Variants in INTS8 observed in about 807,000 individuals in gnomAD.
INTS8 encodes protein kaonashi-1.
Under a neutral mutation model 138.9 loss-of-function variants are expected in INTS8, and 47 were observed. The ratio of observed to expected loss-of-function variants is 0.34; its 90% confidence interval spans 0.27 to 0.43. INTS8 has a LOEUF of 0.43. INTS8 is among the 20% of genes least tolerant of loss of function. The pLI is 1.00. For missense variants in INTS8, 996 were observed against 1,173.0 expected (o/e 0.85, Z 2.20); for synonymous variants, 392 against 400.9 (o/e 0.98, Z 0.27).
Position 94,880,273 on chromosome 8 carries a change from G to A in INTS8, c.*39G>A. 2.8e-6 allele frequency: 3 copies of A among 1,078,874 alleles called. No homozygotes were observed. Among genetic ancestry groups the A allele is most frequent in the Non-Finnish European group, 4.2e-6 (3 of 719,378 alleles). The allele number at this position is 1,078,874 out of a possible 1,614,324, so 66.8% of individuals were successfully genotyped here. A position where few individuals can be genotyped will look rare whatever the true frequency, so the allele number is the denominator to read the frequency against. Reference sequence around the variant, plus strand: ...TTTAACTTTTATTTTTTAAACAATGGGCTAAAAATAAACAGTATTAAAAGG... The same window carrying A: ...TTTAACTTTTATTTTTTAAACAATGAGCTAAAAATAAACAGTATTAAAAGG... On this transcript the variant is annotated 3_prime_UTR_variant, in exon 27 of 27. Coordinates refer to ENST00000523731, the MANE Select transcript of INTS8 (RefSeq NM_017864.4).
intron 3 of INTS8, 35 bp from the exon 4 acceptor site, chr8:94,827,687 T>A: frequency 6.6e-7 from 1 of 1,511,416 alleles, no homozygotes; most frequent in African/African-American, 1.4e-5. Flanking sequence ...ACATTTATAA[T>A]GTATGAAATT....
chr8:94,862,817 A>G (rs939675020), intron 16 of INTS8, among the ~76,000 whole-genome samples: 3 of 152,126 alleles, frequency 2.0e-5, no homozygotes, highest in African/African-American at 7.2e-5. Flanking sequence ...TACAATCTGA[A>G]TCAGTTTCCA....
chr8:94,845,410 A>G (rs940099680), intron 10 of INTS8, among the ~76,000 whole-genome samples: 1 of 151,874 alleles, frequency 6.6e-6, no homozygotes, highest in African/African-American at 2.4e-5. Context: ...TTGTCTATCC[A>G]TACCTTATTA....
chr8:94,824,776 AC>A, intron 1 of INTS8, 116 bp from the exon 2 acceptor site: 1 of 193,174 alleles, frequency 5.2e-6, no homozygotes, highest in Non-Finnish European at 9.8e-6. Context: ...CAAAAAAAAA[AC>A]CCAAACTCCC....
intron 26 of INTS8, chr8:94,879,861 A>C (rs1468092100): frequency 2.1e-5 from 5 of 236,610 alleles, no homozygotes; most frequent in Admixed American, 5.6e-5. Flanking sequence ...ATAAATTTAC[A>C]TGAATTTACT....
intron 13 of INTS8, 106 bp from the exon 14 acceptor site, chr8:94,853,699 C>A (rs1466287658): frequency 8.0e-6 from 5 of 627,990 alleles, no homozygotes; most frequent in Non-Finnish European, 1.4e-5. Context: ...AGAGACGACC[C>A]GTGAGTTATT....
chr8:94,825,914 T>C (rs913672679), intron 2 of INTS8, among the ~76,000 whole-genome samples: 3 of 152,178 alleles, frequency 2.0e-5, no homozygotes, highest in African/African-American at 4.8e-5. Flanking sequence ...TATACTGTTT[T>C]TATTCCTGGT....
chr8:94,843,655 G>C (rs993614130), intron 10 of INTS8, among the ~76,000 whole-genome samples: 1 of 151,978 alleles, frequency 6.6e-6, no homozygotes, highest in Non-Finnish European at 1.5e-5. Context: ...TATAGTTTTT[G>C]GCTGTATACA....
rs191823803 is a variant in INTS8, at chr8:94,879,798, G to C, written c.2872-320G>C. On this transcript the variant is annotated intron_variant, in intron 26 of 26. Coordinates refer to ENST00000523731, the MANE Select transcript of INTS8 (RefSeq NM_017864.4). The stretch of plus-strand genomic sequence containing the variant: ...AGTTATTTTTGCACATTAACAAGTG[G>C]AGCCCTAGTTTAACTCTAAAAATCG... 1.1e-4 allele frequency: 19 copies of C among 174,790 alleles called. No homozygotes were observed. The East Asian group carries it at 1.5e-3, about 14-fold the overall frequency. 10.8% of individuals were successfully genotyped at this position (174,790 alleles called of 1,614,324 possible).
At chr8:94,867,097 T>C (rs1174181005) in intron 18 of INTS8, 43 bp from the exon 19 acceptor site, 1 of 1,409,810 alleles carries the variant, frequency 7.1e-7, no homozygotes, top group Non-Finnish European at 9.8e-7. Flanking sequence ...ATTAAATAAA[T>C]ATACATACAC....
chr8:94,866,921 A>T, intron 18 of INTS8: 2 of 477,578 alleles, frequency 4.2e-6, no homozygotes, highest in Non-Finnish European at 7.5e-6. Flanking sequence ...CCAAACATTT[A>T]TGCTAATTTT....
At chr8:94,866,947 T>C in intron 18 of INTS8, 193 bp from the exon 19 acceptor site, 13 of 527,498 alleles carry the variant, frequency 2.5e-5, no homozygotes, top group Non-Finnish European at 4.4e-5. Flanking sequence ...AATTATGTGC[T>C]ATGGTCCACG....
chr8:94,825,157 A>T, intron 2 of INTS8, 90 bp downstream of exon 2: 3 of 936,114 alleles, frequency 3.2e-6, no homozygotes, highest in Non-Finnish European at 4.9e-6. Flanking sequence ...TCGGCTCTTA[A>T]AAATTACGTG....
At chr8:94,875,884 T>A in intron 23 of INTS8, 190 bp from the exon 24 acceptor site, 1 of 517,118 alleles carries the variant, frequency 1.9e-6, no homozygotes, top group Non-Finnish European at 3.5e-6. Flanking sequence ...GTGGTTGAGG[T>A]CACTGATGAA....
At chr8:94,838,382 C>T in intron 7 of INTS8, 81 bp from the exon 8 acceptor site, 3 of 1,203,752 alleles carry the variant, frequency 2.5e-6, no homozygotes, top group Non-Finnish European at 3.6e-6. Context: ...TTTCCTTGTA[C>T]TGTTAAAACA....
intron 10 of INTS8, among the ~76,000 whole-genome samples, chr8:94,848,013 CTT>C (rs58388097): frequency 3.8e-5 from 5 of 129,920 alleles, no homozygotes; most frequent in Admixed American, 1.5e-4. Flanking sequence ...TAAAACACTG[CTT>C]TTTTTTTTTT....
At chr8:94,863,766 T>C (rs1360267426) in intron 16 of INTS8, among the ~76,000 whole-genome samples, 2 of 152,208 alleles carry the variant, frequency 1.3e-5, no homozygotes, top group African/African-American at 4.8e-5. Flanking sequence ...CAACAGAAGA[T>C]GAATTTGAGC....
chr8:94,878,450 TC>T (rs1244815604), intron 26 of INTS8, among the ~76,000 whole-genome samples: 1 of 152,192 alleles, frequency 6.6e-6, no homozygotes, highest in African/African-American at 2.4e-5. Flanking sequence ...AATTCCTATT[TC>T]ATTCGCTGCT....
chr8:94,838,663 A>G, intron 8 of INTS8, 45 bp downstream of exon 8: 1 of 1,533,714 alleles, frequency 6.5e-7, no homozygotes, highest in Non-Finnish European at 9.0e-7. Context: ...GAAGCCAGAC[A>G]AAACTAAGTT....
Sources: gnomAD v4.1 joint callset for allele counts (sites outside exome capture counted in the v4.1 genomes callset) on GRCh38, gnomAD v4.1.1 for gene constraint, MANE v1.5 for transcripts, NCBI Gene and HGNC (gene_info 2026-07-23, HGNC 2026-07-21) for gene names.